ANXA10: variants seen among roughly 807,000 people sequenced by gnomAD.
ANXA10 encodes annexin 14.
ANXA10 carries 49 observed loss-of-function variants against 53.5 expected under a neutral mutation model. The observed-to-expected ratio is 0.92, with a 90% CI of 0.73 to 1.16. The LOEUF (loss-of-function observed/expected upper bound fraction) is 1.16. Among genes scored for constraint, ANXA10 ranks in the 50% most tolerant of loss-of-function variants. ANXA10 has a pLI of 0.00. For synonymous variants in ANXA10, 131 were observed against 128.9 expected (o/e 1.02, Z -0.11); for missense variants, 393 against 394.4 (o/e 1.00, Z 0.03).
At chr4:168,176,477 C>A (rs1278769763) in intron 6 of ANXA10, among the ~76,000 whole-genome samples, 1 of 152,168 alleles carries the variant, frequency 6.6e-6, no homozygotes, top group East Asian at 1.9e-4. Flanking sequence ...TAGCCCTTGG[C>A]TGCTGGAACA....
At chr4:168,162,431 C>G in intron 3 of ANXA10, 97 bp from the exon 4 acceptor site, 1 of 818,600 alleles carries the variant, frequency 1.2e-6, no homozygotes, top group Non-Finnish European at 2.0e-6. Context: ...TATTAAATGA[C>G]ATGGAAAAGA....
intron 3 of ANXA10, among the ~76,000 whole-genome samples, chr4:168,149,560 A>G (rs998122248): frequency 3.9e-5 from 6 of 151,920 alleles, no homozygotes; most frequent in African/African-American, 1.4e-4. Flanking sequence ...CACCTAGGAG[A>G]TGGGTCTTGT....
intron 1 of ANXA10, among the ~76,000 whole-genome samples, chr4:168,127,055 C>T (rs898647374): frequency 5.3e-5 from 8 of 152,106 alleles, no homozygotes; most frequent in African/African-American, 1.7e-4. Flanking sequence ...CTAGAAGACT[C>T]ATCTGCTGTG....
chr4:168,127,698 T>C (rs771247935), intron 1 of ANXA10: 4 of 429,078 alleles, frequency 9.3e-6, no homozygotes, highest in Admixed American at 3.1e-5. Context: ...AAATTTTCTC[T>C]CTGCAATTGA....
intron 3 of ANXA10, among the ~76,000 whole-genome samples, chr4:168,146,118 A>C (rs1371078360): frequency 2.6e-5 from 4 of 152,120 alleles, no homozygotes; most frequent in Non-Finnish European, 5.9e-5. Flanking sequence ...CATGTTGGCC[A>C]GGCTGGTCGT....
chr4:168,121,077 A>C, intron 1 of ANXA10, among the ~76,000 whole-genome samples: 1 of 152,188 alleles, frequency 6.6e-6, no homozygotes, highest in Middle Eastern at 3.4e-3. Context: ...AAAAATATTT[A>C]TTCTCCTAAT....
chr4:168,164,454 C>T (rs895034031), intron 5 of ANXA10, among the ~76,000 whole-genome samples, 166 bp downstream of exon 5: 7 of 152,040 alleles, frequency 4.6e-5, no homozygotes, highest in Non-Finnish European at 2.9e-5. Flanking sequence ...ATTATTAGTG[C>T]ACTAAAAATG....
At position 168,164,240 on chromosome 4, in the gene ANXA10, T is replaced by C; in HGVS notation, c.352T>C (p.Ser118Pro). ...DENCLIEILASRTNGEIFQMR... is the reference protein window; with the variant it reads ...DENCLIEILAPRTNGEIFQMR... ...GAATTGCCTCATTGAAATACTAGCT[T>C]CAAGAACAAATGGAGAAATTTTCCA... The change falls in exon 5 of 12, where the codon TCA becomes CCA. Residue 118 changes from serine (S) to proline (P), a missense_variant. Coordinates refer to ENST00000359299, the MANE Select transcript of ANXA10 (RefSeq NM_007193.5). 6.2e-7 allele frequency: 1 copy of C among 1,613,308 alleles called. No homozygotes were observed. The highest frequency in any genetic ancestry group is 1.3e-5 in the African/African-American group (1 of 74,998).
chr4:168,113,065 G>A (rs1343487109), intron 1 of ANXA10, among the ~76,000 whole-genome samples: 1 of 152,072 alleles, frequency 6.6e-6, no homozygotes, highest in East Asian at 1.9e-4. Flanking sequence ...CAGTCTCTCT[G>A]AATCTGTTTC....
At chr4:168,156,318 AAT>A (rs1731677550) in intron 3 of ANXA10, among the ~76,000 whole-genome samples, 7 of 6,892 alleles carry the variant, frequency 1.0e-3, no homozygotes, top group South Asian at 2.6e-3. Context: ...TAGTATATAT[AAT>A]ATATAATATA....
intron 2 of ANXA10, among the ~76,000 whole-genome samples, chr4:168,128,786 T>G (rs970645157): frequency 3.3e-5 from 5 of 151,952 alleles, no homozygotes; most frequent in Non-Finnish European, 7.4e-5. Context: ...CCTAATCTCA[T>G]TTGCACTGTG....
rs76947511 is a variant in ANXA10, at chr4:168,106,144, T to A, written c.18+13426T>A. Among the ~76,000 whole-genome samples the A allele has an allele frequency of 7.3e-3, 1,115 of 152,238 alleles. 16 individuals are homozygous for A. Among genetic ancestry groups the A allele is most frequent in the African/African-American group, 0.026 (1,064 of 41,550 alleles). Reference sequence around the variant, plus strand: ...AATTTATTAGATCCCATTTGTCAATTTTTGCCTTTGTTGCAATTGTTGTTG... The same window carrying A: ...AATTTATTAGATCCCATTTGTCAATATTTGCCTTTGTTGCAATTGTTGTTG... On this transcript the variant is annotated intron_variant, in intron 1 of 11. Coordinates refer to ENST00000359299, the MANE Select transcript of ANXA10 (RefSeq NM_007193.5).
At chr4:168,147,152 T>C (rs1025060163) in intron 3 of ANXA10, among the ~76,000 whole-genome samples, 4 of 152,220 alleles carry the variant, frequency 2.6e-5, no homozygotes, top group African/African-American at 9.6e-5. Flanking sequence ...CCAGGCCTAC[T>C]GGATTCTTTG....
At chr4:168,168,921 TA>T (rs1731930647) in intron 6 of ANXA10, among the ~76,000 whole-genome samples, 1 of 152,206 alleles carries the variant, frequency 6.6e-6, no homozygotes, top group Non-Finnish European at 1.5e-5. Context: ...TGGTTTGGTT[TA>T]GTTTAATTTG....
At chr4:168,096,926 A>ATATATATAATATATG (rs371811709) in intron 1 of ANXA10, among the ~76,000 whole-genome samples, 1 of 129,902 alleles carries the variant, frequency 7.7e-6, no homozygotes, top group Non-Finnish European at 1.6e-5. Context: ...ATATATATAT[A>ATATATATAATATATG]TATGTATGTA....
chr4:168,159,180 A>G (rs1731739828), intron 3 of ANXA10, among the ~76,000 whole-genome samples: 1 of 152,180 alleles, frequency 6.6e-6, no homozygotes, highest in Admixed American at 6.5e-5. Flanking sequence ...TTATACTGCT[A>G]AAATGGAAAT....
At chr4:168,124,146 T>C (rs180720038) in intron 1 of ANXA10, among the ~76,000 whole-genome samples, 1 of 152,288 alleles carries the variant, frequency 6.6e-6, no homozygotes, top group Non-Finnish European at 1.5e-5. Flanking sequence ...GTGCCCAGGA[T>C]AAAATAGAGG....
At chr4:168,116,345 G>A (rs1227860761) in intron 1 of ANXA10, among the ~76,000 whole-genome samples, 3 of 152,150 alleles carry the variant, frequency 2.0e-5, no homozygotes, top group Non-Finnish European at 4.4e-5. Flanking sequence ...GACCAGCTTG[G>A]AGACTTTAGA....
intron 1 of ANXA10, among the ~76,000 whole-genome samples, chr4:168,093,127 C>A (rs1730486556): frequency 6.6e-6 from 1 of 152,048 alleles, no homozygotes. Flanking sequence ...CCCACAGAGG[C>A]AAGTTACTTT....
Sources: gnomAD v4.1 joint callset for allele counts (sites outside exome capture counted in the v4.1 genomes callset) on GRCh38, gnomAD v4.1.1 for gene constraint, MANE v1.5 for transcripts, NCBI Gene and HGNC (gene_info 2026-07-23, HGNC 2026-07-21) for gene names.